Variants in GSTCD observed in about 807,000 individuals in gnomAD.
GSTCD encodes glutathione S-transferase C-terminal domain-containing protein.
In GSTCD, 44 loss-of-function variants were observed where a neutral mutation model predicts 68.3. The ratio of observed to expected loss-of-function variants is 0.64; its 90% confidence interval spans 0.51 to 0.83. The LOEUF (loss-of-function observed/expected upper bound fraction) is 0.83, where lower values mean the gene tolerates loss of function less well. GSTCD is among the 40% of genes least tolerant of loss of function. The pLI is 0.00. For synonymous variants in GSTCD, 273 were observed against 255.2 expected, an observed-to-expected ratio of 1.07 and a Z score of -0.67; for missense variants, 739 against 735.9, an observed-to-expected ratio of 1.00 and a Z score of -0.05.
intron 3 of GSTCD, among the ~76,000 whole-genome samples, chr4:105,721,057 C>T (rs548035215): frequency 4.5e-4 from 69 of 151,924 alleles, no homozygotes; most frequent in African/African-American, 6.5e-4. Flanking sequence ...CTGCAACCTC[C>T]GCTTCCTGGG....
chr4:105,779,780 C>T (rs527807735), intron 5 of GSTCD, among the ~76,000 whole-genome samples: 7 of 152,292 alleles, frequency 4.6e-5, no homozygotes, highest in African/African-American at 1.4e-4. Context: ...AATTTTGCCA[C>T]CCAAATCTGA....
At chr4:105,761,983 C>T (rs149609188) in intron 5 of GSTCD, 4 of 152,324 alleles carry the variant, frequency 2.6e-5, no homozygotes, top group African/African-American at 4.8e-5. Context: ...CCTCAACTCT[C>T]CCGAAGGGAG....
At chr4:105,766,632 T>C (rs1256540708) in intron 5 of GSTCD, among the ~76,000 whole-genome samples, 1 of 152,196 alleles carries the variant, frequency 6.6e-6, no homozygotes, top group Non-Finnish European at 1.5e-5. Context: ...CTCATGTTCA[T>C]AGATCATAGG....
In GSTCD at chr4:105,847,348, T is replaced by G. The variant is rs1237010132; in HGVS notation, c.*1771T>G. On this transcript the variant is annotated 3_prime_UTR_variant, in exon 12 of 12. Coordinates refer to ENST00000515279, the MANE Select transcript of GSTCD (RefSeq NM_001370181.1). ...GAATCGTGTTTTCTGGGATAAAATT[T>G]TTAAAAAGAATTAATCATTAGCCCT... The G allele has an allele frequency of 6.6e-6, 1 of 152,188 alleles. No individual in the cohort carries two copies. Among genetic ancestry groups the G allele is most frequent in the Non-Finnish European group, 1.5e-5 (1 of 68,038 alleles). 9.4% of individuals were successfully genotyped at this position (152,188 alleles called of 1,614,324 possible). A position where few individuals can be genotyped will look rare whatever the true frequency, so the allele number is the denominator to read the frequency against.
chr4:105,812,447 C>T (rs1047982569), intron 5 of GSTCD, among the ~76,000 whole-genome samples: 8 of 152,074 alleles, frequency 5.3e-5, no homozygotes, highest in Non-Finnish European at 7.4e-5. Context: ...GCAGTCTTTC[C>T]GCCTCTGCCT....
At chr4:105,806,816 C>T (rs1426920090) in intron 5 of GSTCD, among the ~76,000 whole-genome samples, 3 of 152,108 alleles carry the variant, frequency 2.0e-5, no homozygotes, top group African/African-American at 4.8e-5. Flanking sequence ...GTTTCTATGT[C>T]CATACGCTAT....
chr4:105,766,853 T>C lies in GSTCD; in HGVS notation c.1240+37354T>C, dbSNP rs1192361107. Among the ~76,000 whole-genome samples, 4 of 150,392 alleles carry C rather than the reference T, an allele frequency of 2.7e-5. No homozygotes were observed. The East Asian group carries it at 7.8e-4, about 29-fold the overall frequency. Reference sequence around the variant, plus strand: ...TTAAAAGTTATACTCAGAAGATGGATTAGTGTCCCAAAAGCATGAATAGGT... The same window carrying C: ...TTAAAAGTTATACTCAGAAGATGGACTAGTGTCCCAAAAGCATGAATAGGT... On this transcript the variant is annotated intron_variant, in intron 5 of 11. Transcript: ENST00000515279.
chr4:105,720,114 G>C (rs758326967), intron 3 of GSTCD, among the ~76,000 whole-genome samples: 1 of 152,036 alleles, frequency 6.6e-6, no homozygotes, highest in Non-Finnish European at 1.5e-5. Flanking sequence ...ATGTGCTGGG[G>C]GAGAATAGAT....
At chr4:105,814,318 A>G (rs1165210568) in intron 5 of GSTCD, among the ~76,000 whole-genome samples, 2 of 152,166 alleles carry the variant, frequency 1.3e-5, no homozygotes, top group Non-Finnish European at 2.9e-5. Flanking sequence ...GAGCACTGCT[A>G]AACACTACTG....
rs1407609007 is a variant in GSTCD at position 105,847,081 on chromosome 4, C to T, written c.*1504C>T. ...GTGTGAGGAGTGCAGAATATGGAAG[C>T]TTACCTAAATTCTTTTTCTGCCAGC... On this transcript the variant is annotated 3_prime_UTR_variant, in exon 12 of 12. Coordinates refer to ENST00000515279, the MANE Select transcript of GSTCD (RefSeq NM_001370181.1). 1 of 152,116 alleles carries T rather than the reference C, an allele frequency of 6.6e-6. No individual in the cohort carries two copies. Among genetic ancestry groups the T allele is most frequent in the East Asian group, 1.9e-4 (1 of 5,192 alleles). 9.4% of individuals were successfully genotyped at this position (152,116 alleles called of 1,614,324 possible).
intron 3 of GSTCD, among the ~76,000 whole-genome samples, chr4:105,726,057 G>A (rs575532959): frequency 1.7e-4 from 26 of 152,104 alleles, no homozygotes; most frequent in South Asian, 4.1e-4. Flanking sequence ...GAAACACAGT[G>A]CCACATAAAC....
At chr4:105,783,825 C>T (rs1735368612) in intron 5 of GSTCD, among the ~76,000 whole-genome samples, 1 of 152,100 alleles carries the variant, frequency 6.6e-6, no homozygotes, top group African/African-American at 2.4e-5. Context: ...TTTCAAGTTT[C>T]CTTAGTTTCC....
intron 5 of GSTCD, among the ~76,000 whole-genome samples, chr4:105,816,912 A>C (rs1191796835): frequency 6.6e-6 from 1 of 151,952 alleles, no homozygotes; most frequent in Admixed American, 6.6e-5. Context: ...AAATAAGAAA[A>C]ATGTCATCTA....
chr4:105,837,488 C>T (rs1724171227), intron 9 of GSTCD, among the ~76,000 whole-genome samples: 1 of 152,142 alleles, frequency 6.6e-6, no homozygotes, highest in Admixed American at 6.6e-5. Context: ...TCTTGGGGAA[C>T]TGTGAGTAAT....
At chr4:105,734,185 G>C (rs1424509244) in intron 5 of GSTCD, among the ~76,000 whole-genome samples, 3 of 152,104 alleles carry the variant, frequency 2.0e-5, no homozygotes, top group Non-Finnish European at 2.9e-5. Context: ...TCTTCTCGAG[G>C]AACATCTTTG....
At chr4:105,824,927 CG>C (rs1723514265) in intron 7 of GSTCD, among the ~76,000 whole-genome samples, 1 of 152,082 alleles carries the variant, frequency 6.6e-6, no homozygotes, top group Non-Finnish European at 1.5e-5. Context: ...CCCCCCAAAC[CG>C]ATTTGTATTC....
At chr4:105,710,411 T>A (rs1161787444) in intron 1 of GSTCD, among the ~76,000 whole-genome samples, 3 of 142,414 alleles carry the variant, frequency 2.1e-5, no homozygotes, top group East Asian at 4.1e-4. Context: ...TTTTTTTCAG[T>A]CGAGGAGGGG....
intron 5 of GSTCD, among the ~76,000 whole-genome samples, chr4:105,742,462 C>T (rs1209550296): frequency 2.0e-5 from 3 of 152,160 alleles, no homozygotes; most frequent in Non-Finnish European, 1.5e-5. Context: ...TAGTTAGCTA[C>T]CTAGCTAGAT....
chr4:105,803,751 ATGT>A (rs1186327207), intron 5 of GSTCD, among the ~76,000 whole-genome samples: 1 of 152,020 alleles, frequency 6.6e-6, no homozygotes, highest in Non-Finnish European at 1.5e-5. Flanking sequence ...TGAAAACATA[ATGT>A]TGTATGAAAA....
Sources: allele counts gnomAD v4.1 joint callset (sites outside exome capture counted in the v4.1 genomes callset), GRCh38; gene constraint gnomAD v4.1.1; transcripts MANE v1.5; gene names NCBI Gene and HGNC (gene_info 2026-07-23, HGNC 2026-07-21).